Variants in DENND1A observed in about 807,000 individuals in gnomAD.
DENND1A encodes the protein DENN domain-containing protein 1A.
Under a neutral mutation model 113.7 loss-of-function variants are expected in DENND1A, and 51 were observed. The ratio of observed to expected loss-of-function variants is 0.45; its 90% CI spans 0.36 to 0.57. DENND1A has a LOEUF of 0.57. Ranked by LOEUF, DENND1A falls within the 20% of genes least tolerant of loss-of-function variation. The pLI is 0.00. For synonymous variants in DENND1A, 565 were observed against 570.8 expected (o/e 0.99, Z 0.14); for missense variants, 1,258 against 1,395.9 (o/e 0.90, Z 1.57).
chr9:123,668,162 C>T (rs936362708), intron 7 of DENND1A, among the ~76,000 whole-genome samples: 9 of 152,018 alleles, frequency 5.9e-5, no homozygotes, highest in African/African-American at 2.2e-4. Context: ...GTGCAAAGGC[C>T]AGGAAAGGTC....
chr9:123,747,625 T>C (rs1239986928), intron 5 of DENND1A, among the ~76,000 whole-genome samples: 1 of 152,188 alleles, frequency 6.6e-6, no homozygotes, highest in African/African-American at 2.4e-5. Context: ...TTCTCCACAA[T>C]GTTTAAAAAT....
chr9:123,436,146 G>A (rs1302571689), intron 19 of DENND1A, among the ~76,000 whole-genome samples: 2 of 152,156 alleles, frequency 1.3e-5, no homozygotes, highest in Non-Finnish European at 2.9e-5. Flanking sequence ...AACCAGGGGG[G>A]AATCCTTGGC....
chr9:123,740,899 T>TGAGAGAGAGGGAGAGAGAGAGAGA (rs2068955253), intron 5 of DENND1A, among the ~76,000 whole-genome samples: 1 of 108,870 alleles, frequency 9.2e-6, no homozygotes. Flanking sequence ...GAAGGGAAAG[T>TGAGAGAGAGGGAGAGAGAGAGAGA]GAGAGAGAGA....
intron 5 of DENND1A, among the ~76,000 whole-genome samples, chr9:123,683,022 A>G (rs1355722271): frequency 7.4e-6 from 1 of 134,302 alleles, no homozygotes; most frequent in Admixed American, 7.2e-5. Flanking sequence ...GTTTCCAGAC[A>G]ATACGTCCCC....
intron 12 of DENND1A, among the ~76,000 whole-genome samples, chr9:123,570,927 C>T (rs1169955301): frequency 2.0e-5 from 3 of 152,092 alleles, no homozygotes; most frequent in Non-Finnish European, 2.9e-5. Flanking sequence ...TCTGTAAACA[C>T]GCCTTTAGAT....
At position 123,880,041 on chromosome 9, in the gene DENND1A, C is replaced by T. The variant is rs544275513; in HGVS notation, c.18-1020G>A. Among the ~76,000 whole-genome samples, 349 of 152,324 alleles carry T rather than the reference C, an allele frequency of 2.3e-3. 3 individuals carry two copies. Among genetic ancestry groups the T allele is most frequent in the Non-Finnish European group, 4.5e-3 (305 of 68,034 alleles). On this transcript the variant is annotated intron_variant, in intron 1 of 23. Transcript: ENST00000394215. ...TTACGTATTTATTTTGAGACAGAGT[C>T]TCACTCTGTCATCCAGGCTGAAGTG...
chr9:123,646,253 C>G (rs979663947), intron 9 of DENND1A, among the ~76,000 whole-genome samples: 2 of 152,150 alleles, frequency 1.3e-5, no homozygotes, highest in Admixed American at 6.6e-5. Context: ...GACACTAAAA[C>G]AAGTCCACCT....
intron 21 of DENND1A, chr9:123,401,868 C>T (rs1453775384): frequency 6.2e-7 from 1 of 1,614,012 alleles, no homozygotes; most frequent in Non-Finnish European, 8.5e-7. Context: ...ATGGGTAATG[C>T]TTTTCTGTAG....
rs1354948236 is a variant in DENND1A at position 123,929,948 on chromosome 9, C to T, written c.-43G>A. 1 of 306,594 alleles carries T rather than the reference C, an allele frequency of 3.3e-6. No individual in the cohort carries two copies. Among genetic ancestry groups the T allele is most frequent in the Non-Finnish European group, 5.9e-6 (1 of 169,690 alleles). The allele number at this position is 306,594 out of a possible 1,614,324, so 19.0% of individuals were successfully genotyped here. ...ATGGGCCCGCGGGCCCCGCTCGGCG[C>T]TGCGCTGCCCGCCCGCCCGCGGCCG... On this transcript the variant is annotated 5_prime_UTR_variant, in exon 1 of 24. Transcript: ENST00000394215.
At chr9:123,865,649 C>T (rs1225085850) in intron 2 of DENND1A, among the ~76,000 whole-genome samples, 8 of 152,228 alleles carry the variant, frequency 5.3e-5, no homozygotes, top group African/African-American at 1.9e-4. Context: ...AAACTCTGTG[C>T]CATGCCCTGT....
At chr9:123,466,408 T>A (rs926789465) in intron 13 of DENND1A, among the ~76,000 whole-genome samples, 1 of 152,106 alleles carries the variant, frequency 6.6e-6, no homozygotes, top group Non-Finnish European at 1.5e-5. Flanking sequence ...CAAGTGATTA[T>A]CCTGCCTCAG....
intron 5 of DENND1A, among the ~76,000 whole-genome samples, chr9:123,720,429 C>T (rs761658086): frequency 2.0e-5 from 3 of 152,230 alleles, no homozygotes; most frequent in Middle Eastern, 3.4e-3. Context: ...AAGATTGGTC[C>T]GAGACCAGTT....
chr9:123,531,552 TCTAC>T (rs767679103), intron 13 of DENND1A, among the ~76,000 whole-genome samples: 14,473 of 133,014 alleles, frequency 0.11, 728 homozygotes, highest in Admixed American at 0.16. Flanking sequence ...CCCCTCTCTC[TCTAC>T]ACACACACAC....
chr9:123,660,552 T>C (rs191270406), intron 8 of DENND1A, among the ~76,000 whole-genome samples: 1 of 151,574 alleles, frequency 6.6e-6, no homozygotes, highest in Non-Finnish European at 1.5e-5. Flanking sequence ...AGAAATTATT[T>C]ATTCTTAAAA....
chr9:123,594,434 C>T (rs922173948), intron 11 of DENND1A, among the ~76,000 whole-genome samples: 2 of 152,122 alleles, frequency 1.3e-5, no homozygotes, highest in African/African-American at 4.8e-5. Flanking sequence ...GGCTAAGAAA[C>T]ACTGGCTGTA....
chr9:123,652,243 C>T, intron 8 of DENND1A, 120 bp from the exon 9 acceptor site: 1 of 858,538 alleles, frequency 1.2e-6, no homozygotes, highest in Non-Finnish European at 1.8e-6. Flanking sequence ...CTTTCCCTGT[C>T]CTTTTCTTTC....
chr9:123,905,996 T>C (rs1040147298), intron 1 of DENND1A, among the ~76,000 whole-genome samples: 1 of 151,718 alleles, frequency 6.6e-6, no homozygotes. Flanking sequence ...ACAGAGATTA[T>C]AACAAACTAT....
intron 1 of DENND1A, among the ~76,000 whole-genome samples, chr9:123,897,578 A>G (rs1850960519): frequency 6.6e-6 from 1 of 152,188 alleles, no homozygotes; most frequent in Non-Finnish European, 1.5e-5. Context: ...AGGGAGCCGC[A>G]GGGCACTGAG....
intron 11 of DENND1A, among the ~76,000 whole-genome samples, chr9:123,590,610 G>T (rs1478041325): frequency 6.6e-6 from 1 of 152,146 alleles, no homozygotes; most frequent in African/African-American, 2.4e-5. Context: ...ATAAGTGTTT[G>T]TTAAATAAAA....
Sources: allele counts gnomAD v4.1 joint callset (sites outside exome capture counted in the v4.1 genomes callset), GRCh38; gene constraint gnomAD v4.1.1; transcripts MANE v1.5; gene names NCBI Gene and HGNC (gene_info 2026-07-23, HGNC 2026-07-21).